Variants in AEBP2 observed in about 807,000 individuals in gnomAD.
AEBP2 encodes the protein AE binding protein 2, also known as zinc finger protein AEBP2.
Under a neutral mutation model 50.8 loss-of-function variants are expected in AEBP2, and 10 were observed. That is an observed-to-expected ratio of 0.20 (90% CI 0.12 to 0.33). AEBP2 has a LOEUF of 0.33. Ranked by LOEUF, AEBP2 falls within the 10% of genes least tolerant of loss-of-function variation. AEBP2 has a pLI of 1.00. For synonymous variants in AEBP2, 296 were observed against 261.3 expected, an observed-to-expected ratio of 1.13 and a Z score of -1.28; for missense variants, 570 against 688.0, an observed-to-expected ratio of 0.83 and a Z score of 1.92.
At chr12:19,463,667 A>AC (rs368790296) in intron 2 of AEBP2, among the ~76,000 whole-genome samples, 2 of 84,672 alleles carry the variant, frequency 2.4e-5, no homozygotes, top group African/African-American at 4.9e-5. Context: ...TCATACTTGA[A>AC]TTTTTTTTTT....
rs1193767252 is a variant in AEBP2, at chr12:19,512,472, A to G, written c.1367+7A>G. ...ATTGGATGCCTGAAGACATGTAAGTATTTGAAATATTATGCCTTAGTAATA... is the reference window on the plus strand; with the variant it reads ...ATTGGATGCCTGAAGACATGTAAGTGTTTGAAATATTATGCCTTAGTAATA... On this transcript the variant is annotated splice_region_variant and intron_variant, in intron 6 of 7. Coordinates refer to ENST00000266508, the MANE Select transcript of AEBP2 (RefSeq NM_153207.5). The G allele has an allele frequency of 2.6e-6, 4 of 1,530,756 alleles. No individual in the cohort carries two copies. Among genetic ancestry groups the G allele is most frequent in the Non-Finnish European group, 3.5e-6 (4 of 1,128,486 alleles). The allele number at this position is 1,530,756 out of a possible 1,614,324, so 94.8% of individuals were successfully genotyped here.
chr12:19,404,998 G>C (rs1208934612), intron 1 of AEBP2, among the ~76,000 whole-genome samples: 2 of 144,552 alleles, frequency 1.4e-5, no homozygotes, highest in Admixed American at 7.2e-5. Flanking sequence ...GCAGTGGCGA[G>C]ATCTGGACTC....
chr12:19,492,871 G>A (rs1487477345), intron 3 of AEBP2, among the ~76,000 whole-genome samples: 1 of 152,068 alleles, frequency 6.6e-6, no homozygotes, highest in Non-Finnish European at 1.5e-5. Context: ...CACCACCTGG[G>A]AGGCTGAGGT....
chr12:19,412,490 G>A lies in AEBP2; in HGVS notation c.-17+8274G>A, dbSNP rs184632238. Among the ~76,000 whole-genome samples the A allele has an allele frequency of 2.6e-4, 39 of 152,132 alleles. 1 individual carries two copies. The East Asian group carries it at 6.6e-3, about 26-fold the overall frequency. ...AGAAGGGGTTTCACCATGTTGGCCA[G>A]GATGGTCTCGATGTCTTGACCTCTT... is the stretch of plus-strand genomic sequence containing the variant. On this transcript the variant is annotated intron_variant, in intron 1 of 3. Transcript: ENST00000538425.
chr12:19,438,182 A>T (rs1947881074), upstream of AEBP2, among the ~76,000 whole-genome samples: 1 of 152,236 alleles, frequency 6.6e-6, no homozygotes, highest in Non-Finnish European at 1.5e-5. Context: ...ATGGGGTAAC[A>T]CATCCTTTCA....
intron 1 of AEBP2, among the ~76,000 whole-genome samples, chr12:19,451,163 T>C (rs1948160920): frequency 1.3e-5 from 2 of 152,168 alleles, no homozygotes; most frequent in African/African-American, 4.8e-5. Flanking sequence ...CAACATTTAG[T>C]AGTTTAAAAC....
Position 19,440,092 on chromosome 12 carries a change from G to GAGCAGC in AEBP2, c.397_402dup (p.Ser133_Ser134dup). ...AGAGCCTGGTGGGCAGCAGCGGCGGGAGCAGCAGCGACGAGACCCGCTCGT... is the reference window on the plus strand; with the variant it reads ...AGAGCCTGGTGGGCAGCAGCGGCGGGAGCAGCAGCAGCAGCGACGAGACCCGCTCGT... On this transcript the variant is annotated inframe_insertion, in exon 1 of 8. Transcript: ENST00000266508. 1 of 1,509,044 alleles carries GAGCAGC rather than the reference G, an allele frequency of 6.6e-7. No individual in the cohort carries two copies. The highest frequency in any genetic ancestry group is 1.4e-5 in the African/African-American group (1 of 69,486). 93.5% of individuals were successfully genotyped at this position (1,509,044 alleles called of 1,614,324 possible). A position where few individuals can be genotyped will look rare whatever the true frequency, so the allele number is the denominator to read the frequency against.
chr12:19,497,326 G>GTTTTTTT (rs1491166710), intron 4 of AEBP2, among the ~76,000 whole-genome samples: 3 of 60,246 alleles, frequency 5.0e-5, no homozygotes, highest in African/African-American at 2.7e-4. Flanking sequence ...GTTTCCAAAG[G>GTTTTTTT]TGTTTTTTTT....
chr12:19,451,892 TTTTA>T (rs1592726212), intron 1 of AEBP2, among the ~76,000 whole-genome samples: 1 of 151,936 alleles, frequency 6.6e-6, no homozygotes, highest in East Asian at 1.9e-4. Flanking sequence ...TTTGTTTTAT[TTTTA>T]TTTATTTATT....
At chr12:19,423,611 G>A (rs1040949459) in intron 1 of AEBP2, among the ~76,000 whole-genome samples, 2 of 152,156 alleles carry the variant, frequency 1.3e-5, no homozygotes, top group Non-Finnish European at 2.9e-5. Context: ...ATAAATCAGC[G>A]GATGCTATTG....
intron 5 of AEBP2, among the ~76,000 whole-genome samples, chr12:19,504,310 C>T (rs1949123992): frequency 1.3e-5 from 2 of 151,780 alleles, no homozygotes; most frequent in African/African-American, 4.8e-5. Flanking sequence ...TCTCGGCTCA[C>T]TGCAAGCTCC....
At chr12:19,482,244 G>A (rs1948740980) in intron 3 of AEBP2, among the ~76,000 whole-genome samples, 1 of 152,144 alleles carries the variant, frequency 6.6e-6, no homozygotes, top group African/African-American at 2.4e-5. Context: ...CCTACAAGGA[G>A]TCCTGTGATG....
At chr12:19,499,375 G>A (rs555901760) in intron 4 of AEBP2, among the ~76,000 whole-genome samples, 33 of 152,290 alleles carry the variant, frequency 2.2e-4, no homozygotes, top group Non-Finnish European at 3.8e-4. Flanking sequence ...CACTTTTGGA[G>A]GCCGAGGTAG....
At chr12:19,494,561 G>T (rs901572490) in intron 4 of AEBP2, among the ~76,000 whole-genome samples, 44 of 148,890 alleles carry the variant, frequency 3.0e-4, no homozygotes, top group African/African-American at 1.1e-3. Flanking sequence ...GAGTGCAATG[G>T]CGTGAGACAG....
chr12:19,483,360 C>T (rs931734777), intron 3 of AEBP2, among the ~76,000 whole-genome samples: 2 of 152,158 alleles, frequency 1.3e-5, no homozygotes, highest in African/African-American at 4.8e-5. Context: ...TCTGGATTTT[C>T]AGATTCCCCA....
rs14132 is a variant in AEBP2, at chr12:19,521,247, G to A, written c.*3130G>A. ...TTTTAATATGACAATGTTGATCTTG[G>A]TAATAAGCCAGTACATTAAATTTTA... On this transcript the variant is annotated 3_prime_UTR_variant, in exon 8 of 8. Transcript: ENST00000266508. The A allele has an allele frequency of 6.6e-6, 1 of 151,928 alleles. No homozygotes were observed. The highest frequency in any genetic ancestry group is 1.5e-5 in the Non-Finnish European group (1 of 67,958). The allele number at this position is 151,928 out of a possible 1,614,324, so 9.4% of individuals were successfully genotyped here.
intron 2 of AEBP2, among the ~76,000 whole-genome samples, chr12:19,463,145 TAAC>T (rs1948407623): frequency 6.6e-6 from 1 of 152,216 alleles, no homozygotes. Flanking sequence ...TTCTATTAAA[TAAC>T]AACCTGAACT....
At chr12:19,504,062 C>T (rs1199468262) in intron 5 of AEBP2, among the ~76,000 whole-genome samples, 1 of 152,032 alleles carries the variant, frequency 6.6e-6, no homozygotes, top group African/African-American at 2.4e-5. Context: ...TGTTTATGGA[C>T]TAAATTTAAA....
chr12:19,480,797 T>G (rs1182871445), intron 3 of AEBP2, among the ~76,000 whole-genome samples: 1 of 152,186 alleles, frequency 6.6e-6, no homozygotes, highest in Admixed American at 6.6e-5. Flanking sequence ...AATTTCTCAG[T>G]TGTTCTTTGA....
Sources: allele counts gnomAD v4.1 joint callset (sites outside exome capture counted in the v4.1 genomes callset), GRCh38; gene constraint gnomAD v4.1.1; transcripts MANE v1.5; gene names NCBI Gene and HGNC (gene_info 2026-07-23, HGNC 2026-07-21).